YAP1: variants seen among roughly 807,000 people sequenced by gnomAD.
YAP1 encodes Yes1 associated transcriptional regulator.
Under a neutral mutation model 56.9 loss-of-function variants are expected in YAP1, and 5 were observed. The observed-to-expected ratio is 0.09, with a 90% CI of 0.05 to 0.18. YAP1 has a LOEUF of 0.18. Among genes scored for constraint, YAP1 ranks in the 10% least tolerant of loss-of-function variants. YAP1 has a pLI of 1.00. For missense variants in YAP1, 539 were observed against 651.8 expected, an observed-to-expected ratio of 0.83 and a Z score of 1.88; for synonymous variants, 265 against 248.1, an observed-to-expected ratio of 1.07 and a Z score of -0.64.
chr11:102,144,018 G>T (rs1057051655), intron 2 of YAP1, among the ~76,000 whole-genome samples: 1 of 152,206 alleles, frequency 6.6e-6, no homozygotes, highest in Non-Finnish European at 1.5e-5. Context: ...GAGGCTGACA[G>T]ATATTTGTAG....
At chr11:102,229,329 G>A (rs1397033710) in intron 8 of YAP1, among the ~76,000 whole-genome samples, 2 of 152,182 alleles carry the variant, frequency 1.3e-5, no homozygotes, top group Non-Finnish European at 2.9e-5. Context: ...TCATGTTTAT[G>A]TTTAGTCTTA....
intron 3 of YAP1, among the ~76,000 whole-genome samples, chr11:102,178,401 G>A (rs1947392163): frequency 6.6e-6 from 1 of 152,120 alleles, no homozygotes; most frequent in Non-Finnish European, 1.5e-5. Flanking sequence ...AGGGGAGGTT[G>A]GTCCTCTAAC....
At chr11:102,178,854 G>A (rs929567999) in intron 3 of YAP1, among the ~76,000 whole-genome samples, 15 of 152,298 alleles carry the variant, frequency 9.8e-5, no homozygotes, top group East Asian at 1.9e-4. Context: ...TGGTGCCAGC[G>A]TCTGCTTCTG....
intron 8 of YAP1, 28 bp downstream of exon 8, chr11:102,227,609 C>G: frequency 4.7e-6 from 7 of 1,490,064 alleles, no homozygotes; most frequent in Non-Finnish European, 6.5e-6. Flanking sequence ...CTCTTAGTAA[C>G]CTGACTTAAC....
intron 2 of YAP1, among the ~76,000 whole-genome samples, chr11:102,142,413 G>T (rs1446472257): frequency 2.0e-5 from 3 of 152,180 alleles, no homozygotes; most frequent in South Asian, 2.1e-4. Context: ...CTGTGGAAAA[G>T]AAATTAAAGA....
chr11:102,174,978 C>A (rs1048592244), intron 3 of YAP1, among the ~76,000 whole-genome samples: 6 of 152,136 alleles, frequency 3.9e-5, no homozygotes, highest in Non-Finnish European at 8.8e-5. Flanking sequence ...CCATTGTAAT[C>A]CAGAAGGGGC....
At chr11:102,200,555 G>A (rs1445199967) in intron 4 of YAP1, among the ~76,000 whole-genome samples, 1 of 149,388 alleles carries the variant, frequency 6.7e-6, no homozygotes, top group African/African-American at 2.5e-5. Flanking sequence ...AGTGATTATC[G>A]TGCCTCAGCC....
At chr11:102,191,358 C>CTTT (rs796816309) in intron 4 of YAP1, among the ~76,000 whole-genome samples, 1 of 141,618 alleles carries the variant, frequency 7.1e-6, no homozygotes, top group African/African-American at 2.6e-5. Flanking sequence ...ACCACCAACA[C>CTTT]TTTTTTTTTT....
intron 4 of YAP1, among the ~76,000 whole-genome samples, chr11:102,204,655 C>G (rs958277761): frequency 6.6e-6 from 1 of 152,136 alleles, no homozygotes; most frequent in Non-Finnish European, 1.5e-5. Flanking sequence ...TTAAAAATCA[C>G]AAGGAGTTTG....
intron 2 of YAP1, among the ~76,000 whole-genome samples, chr11:102,155,643 G>A (rs770601768): frequency 1.4e-4 from 21 of 152,304 alleles, no homozygotes; most frequent in Middle Eastern, 3.4e-3. Context: ...GCTAAGAAGC[G>A]TTTAGTGTGG....
intron 2 of YAP1, among the ~76,000 whole-genome samples, chr11:102,126,914 C>T (rs1415254705): frequency 1.3e-5 from 2 of 152,206 alleles, no homozygotes; most frequent in Non-Finnish European, 2.9e-5. Flanking sequence ...CCAGAGGTGA[C>T]TCTTGTTACG....
chr11:102,187,115 C>G (rs1948008387), intron 4 of YAP1, among the ~76,000 whole-genome samples: 2 of 152,006 alleles, frequency 1.3e-5, no homozygotes, highest in African/African-American at 4.8e-5. Flanking sequence ...AAAACACAAC[C>G]CTGCGGGGGG....
At chr11:102,198,535 G>A (rs1948685833) in intron 4 of YAP1, among the ~76,000 whole-genome samples, 1 of 152,174 alleles carries the variant, frequency 6.6e-6, no homozygotes, top group African/African-American at 2.4e-5. Flanking sequence ...ATTTAACAGT[G>A]TATATAGCTC....
chr11:102,224,971 CTGCA>C (rs1950124431), intron 7 of YAP1, among the ~76,000 whole-genome samples: 1 of 152,096 alleles, frequency 6.6e-6, no homozygotes, highest in African/African-American at 2.4e-5. Flanking sequence ...AATGGATAGG[CTGCA>C]TATCCTTCTG....
At position 102,231,259 on chromosome 11, in the gene YAP1, TA is replaced by T. The variant is rs1565297002; in HGVS notation, c.*1320del. 6.6e-6 allele frequency: 1 copy of T among 152,246 alleles called. No individual in the cohort carries two copies. Among genetic ancestry groups the T allele is most frequent in the Non-Finnish European group, 1.5e-5 (1 of 68,042 alleles). The allele number at this position is 152,246 out of a possible 1,614,324, so 9.4% of individuals were successfully genotyped here. ...ATGTGCATGACAGAAATAAGCTTTA[TA>T]GTGGTTTACCTTCATTTAGCTTTGG... On this transcript the variant is annotated 3_prime_UTR_variant, in exon 9 of 9. Transcript: ENST00000282441.
At chr11:102,117,614 A>G (rs954693524) in intron 2 of YAP1, among the ~76,000 whole-genome samples, 3 of 152,172 alleles carry the variant, frequency 2.0e-5, no homozygotes, top group East Asian at 1.9e-4. Flanking sequence ...GCAGGCAATC[A>G]TTCGTTGTTT....
Position 102,230,085 on chromosome 11 carries a change from T to C in YAP1, c.*145T>C, listed in dbSNP as rs1950384009. ...AGCAAGATACTTTAATCCTCTATTTTGCTCTTCCTTGTCCATTGCTGCTGT... is the reference window on the plus strand; with the variant it reads ...AGCAAGATACTTTAATCCTCTATTTCGCTCTTCCTTGTCCATTGCTGCTGT... On this transcript the variant is annotated 3_prime_UTR_variant, in exon 9 of 9. Transcript: ENST00000282441. 2.9e-6 allele frequency: 2 copies of C among 697,606 alleles called. No individual in the cohort carries two copies. The highest frequency in any genetic ancestry group is 4.9e-6 in the Non-Finnish European group (2 of 410,412). 43.2% of individuals were successfully genotyped at this position (697,606 alleles called of 1,614,324 possible). A position where few individuals can be genotyped will look rare whatever the true frequency, so the allele number is the denominator to read the frequency against.
chr11:102,216,672 G>A (rs1486831703), intron 6 of YAP1, among the ~76,000 whole-genome samples: 5 of 152,124 alleles, frequency 3.3e-5, no homozygotes, highest in South Asian at 2.1e-4. Flanking sequence ...TGAAAGTTAC[G>A]TCTATCTCTA....
intron 6 of YAP1, among the ~76,000 whole-genome samples, chr11:102,211,347 CTTA>C (rs1380771623): frequency 6.6e-6 from 1 of 151,988 alleles, no homozygotes; most frequent in Non-Finnish European, 1.5e-5. Flanking sequence ...AAAGGTGAGG[CTTA>C]TTAGTAGTAA....
Sources: gnomAD v4.1 joint callset for allele counts (sites outside exome capture counted in the v4.1 genomes callset) on GRCh38, gnomAD v4.1.1 for gene constraint, MANE v1.5 for transcripts, NCBI Gene and HGNC (gene_info 2026-07-23, HGNC 2026-07-21) for gene names.